The following ANKAR variants were observed in gnomAD, a reference collection of about 807,000 sequenced individuals.
ANKAR encodes ankyrin and armadillo repeat-containing protein.
ANKAR carries 136 observed loss-of-function variants against 146.2 expected under a neutral mutation model. The observed-to-expected ratio is 0.93, with a 90% CI of 0.81 to 1.07. The LOEUF is 1.07. Ranked by LOEUF, ANKAR falls within the 50% of genes least tolerant of loss-of-function variation. The pLI is 0.00. For synonymous variants in ANKAR, 500 were observed against 575.8 expected, an observed-to-expected ratio of 0.87 and a Z score of 1.88; for missense variants, 1,567 against 1,679.9, an observed-to-expected ratio of 0.93 and a Z score of 1.18.
intron 2 of ANKAR, among the ~76,000 whole-genome samples, chr2:189,683,089 A>G (rs1216092079): frequency 6.6e-6 from 1 of 152,184 alleles, no homozygotes; most frequent in Non-Finnish European, 1.5e-5. Flanking sequence ...CCCTGTACGG[A>G]TACAGCAAGA....
At chr2:189,727,727 A>T in intron 12 of ANKAR, 129 bp from the exon 13 acceptor site, 1 of 1,196,696 alleles carries the variant, frequency 8.4e-7, no homozygotes, top group African/African-American at 1.5e-5. Flanking sequence ...GTTTATTTCT[A>T]TTTTTCTTTA....
intron 2 of ANKAR, among the ~76,000 whole-genome samples, chr2:189,686,470 G>C (rs940425396): frequency 2.3e-4 from 35 of 152,132 alleles, no homozygotes; most frequent in Non-Finnish European, 3.7e-4. Context: ...TTTTTTGATA[G>C]AGTAAAATCA....
chr2:189,762,795 C>T, downstream of ANKAR: 1 of 983,496 alleles, frequency 1.0e-6, no homozygotes, highest in Non-Finnish European at 1.2e-6. Context: ...GAAGTGATGT[C>T]ATCGGAACTG....
At position 189,720,680 on chromosome 2, in the gene ANKAR, T is replaced by C; in HGVS notation, c.2528T>C (p.Val843Ala). The C allele has an allele frequency of 7.0e-7, 1 of 1,432,680 alleles. No individual in the cohort carries two copies. The highest frequency in any genetic ancestry group is 9.2e-7 in the Non-Finnish European group (1 of 1,087,940). 88.7% of individuals were successfully genotyped at this position (1,432,680 alleles called of 1,614,324 possible). A position where few individuals can be genotyped will look rare whatever the true frequency, so the allele number is the denominator to read the frequency against. Residue 843 changes from valine (V) to alanine (A), a missense_variant, in exon 12 of 23, where the codon GTA becomes GCA. Val to Ala is a moderately conservative substitution (Grantham distance 64). Transcript: ENST00000684021. ...NLNIENVLVN[V>A]MNCIRVLCIG... Reference sequence around the variant, plus strand: ...AACATAGAAAATGTGCTAGTAAATGTAATGAACTGTATACGGGTATTGTGT... The same window carrying C: ...AACATAGAAAATGTGCTAGTAAATGCAATGAACTGTATACGGGTATTGTGT...
intron 8 of ANKAR, among the ~76,000 whole-genome samples, chr2:189,705,635 T>A (rs1387303562): frequency 6.6e-6 from 1 of 152,116 alleles, no homozygotes; most frequent in South Asian, 2.1e-4. Context: ...CCAAACTGGA[T>A]CCTACACAAC....
intron 2 of ANKAR, among the ~76,000 whole-genome samples, chr2:189,686,175 T>A (rs547376079): frequency 1.3e-5 from 2 of 152,230 alleles, no homozygotes; most frequent in South Asian, 2.1e-4. Flanking sequence ...GTGGCCATTT[T>A]AAAAACCCAA....
chr2:189,730,602 G>T lies in ANKAR; in HGVS notation c.3300+1G>T, dbSNP rs1458202916. ...AAATCACCCTTCTCCTAACATTAAG[G>T]TATAAAGGTTTACATTGTTTTCTGA... On this transcript the variant is annotated splice_donor_variant, in intron 16 of 22. Transcript: ENST00000684021. LOFTEE classifies it high-confidence loss of function. The T allele has an allele frequency of 6.6e-7, 1 of 1,511,388 alleles. No homozygotes were observed. Among genetic ancestry groups the T allele is most frequent in the South Asian group, 1.2e-5 (1 of 80,810 alleles). The allele number at this position is 1,511,388 out of a possible 1,614,324, so 93.6% of individuals were successfully genotyped here.
At chr2:189,713,124 A>C (rs527364128) in intron 10 of ANKAR, among the ~76,000 whole-genome samples, 17 of 152,350 alleles carry the variant, frequency 1.1e-4, no homozygotes, top group African/African-American at 3.1e-4. Flanking sequence ...CTATATGAAA[A>C]GACCAAATCT....
At chr2:189,719,400 G>A (rs1222744510) in intron 10 of ANKAR, among the ~76,000 whole-genome samples, 172 bp from the exon 11 acceptor site, 1 of 151,946 alleles carries the variant, frequency 6.6e-6, no homozygotes, top group Non-Finnish European at 1.5e-5. Flanking sequence ...CAAGATGGAA[G>A]GTTTCTTCAT....
intron 22 of ANKAR, among the ~76,000 whole-genome samples, chr2:189,745,422 A>G (rs1049094095): frequency 1.3e-5 from 2 of 152,136 alleles, no homozygotes; most frequent in Non-Finnish European, 2.9e-5. Context: ...TTGCTGTTTT[A>G]TATCTGAAAC....
intron 16 of ANKAR, 124 bp from the exon 17 acceptor site, chr2:189,732,983 G>C: frequency 1.1e-6 from 1 of 910,086 alleles, no homozygotes; most frequent in Non-Finnish European, 1.5e-6. Flanking sequence ...GGAATCAATG[G>C]ATTATATTTT....
chr2:189,716,583 A>G (rs1340331202), intron 10 of ANKAR, among the ~76,000 whole-genome samples: 1 of 152,120 alleles, frequency 6.6e-6, no homozygotes, highest in African/African-American at 2.4e-5. Context: ...GAATTGGTAA[A>G]AACTACTTTA....
intron 16 of ANKAR, among the ~76,000 whole-genome samples, chr2:189,730,933 C>T (rs1391484632): frequency 2.6e-5 from 4 of 152,138 alleles, no homozygotes; most frequent in Admixed American, 2.6e-4. Flanking sequence ...TTTTCTACCT[C>T]CCCAGACATC....
intron 18 of ANKAR, among the ~76,000 whole-genome samples, chr2:189,758,797 A>G (rs1039978518): frequency 6.6e-6 from 1 of 152,218 alleles, no homozygotes; most frequent in Admixed American, 6.5e-5. Context: ...TACATACACA[A>G]GCAAATGTAT....
intron 7 of ANKAR, among the ~76,000 whole-genome samples, chr2:189,699,823 C>T (rs552523797): frequency 2.3e-4 from 35 of 152,018 alleles, no homozygotes; most frequent in Non-Finnish European, 4.7e-4. Context: ...TGCACCACTA[C>T]ACCGTATATG....
chr2:189,675,471 C>T (rs1490189142), intron 1 of ANKAR, among the ~76,000 whole-genome samples: 2 of 151,996 alleles, frequency 1.3e-5, no homozygotes, highest in Non-Finnish European at 2.9e-5. Context: ...TCTCAAGCCC[C>T]GCGAGTAGCT....
intron 2 of ANKAR, among the ~76,000 whole-genome samples, chr2:189,683,067 T>C (rs1032831215): frequency 1.3e-5 from 2 of 152,174 alleles, no homozygotes; most frequent in Non-Finnish European, 2.9e-5. Flanking sequence ...GAGAGCTGCC[T>C]TGTCCCTCCC....
At chr2:189,700,687 C>A (rs1042894293) in intron 7 of ANKAR, among the ~76,000 whole-genome samples, 9 of 152,210 alleles carry the variant, frequency 5.9e-5, no homozygotes, top group Admixed American at 5.2e-4. Context: ...CCCCCCACTA[C>A]CCTTCCCAGC....
Position 189,688,685 on chromosome 2 carries a change from CG to C in ANKAR, c.602-841del, listed in dbSNP as rs372319912. Among the ~76,000 whole-genome samples, 1,131 of 152,272 alleles carry C rather than the reference CG, an allele frequency of 7.4e-3. 7 individuals carry two copies. The highest frequency in any genetic ancestry group is 0.013 in the Non-Finnish European group (895 of 68,018). ...ATGTAACAAGTTATAGGAAGAGCTA[CG>C]AACATTCATGAAGTGGGTTCTAACA... On this transcript the variant is annotated intron_variant, in intron 2 of 22. Coordinates refer to ENST00000684021, the MANE Select transcript of ANKAR (RefSeq NM_001378068.1).
Sources: gnomAD v4.1 joint callset for allele counts (sites outside exome capture counted in the v4.1 genomes callset) on GRCh38, gnomAD v4.1.1 for gene constraint, MANE v1.5 for transcripts, NCBI Gene and HGNC (gene_info 2026-07-23, HGNC 2026-07-21) for gene names.